Variants in C9orf153 observed in about 807,000 individuals in gnomAD.
C9orf153 encodes uncharacterized protein C9orf153.
A neutral mutation model predicts 9.0 loss-of-function variants in C9orf153; 10 were observed. The observed-to-expected ratio is 1.11, with a 90% CI of 0.69 to 1.89. C9orf153 has a LOEUF of 1.89. Among genes scored for constraint, C9orf153 ranks in the 40% most tolerant of loss-of-function variants. C9orf153 has a pLI of 0.00. For synonymous variants in C9orf153, 35 were observed against 37.3 expected (o/e 0.94, Z 0.23); for missense variants, 108 against 111.0 (o/e 0.97, Z 0.12).
At chr9:86,256,276 T>C (rs897262106) in intron 1 of C9orf153, among the ~76,000 whole-genome samples, 2 of 152,246 alleles carry the variant, frequency 1.3e-5, no homozygotes, top group African/African-American at 2.4e-5. Flanking sequence ...ATGATTCTGA[T>C]GTGTGGAATA....
intron 1 of C9orf153, among the ~76,000 whole-genome samples, chr9:86,246,003 A>G (rs1824856667): frequency 6.6e-6 from 1 of 152,180 alleles, no homozygotes; most frequent in African/African-American, 2.4e-5. Flanking sequence ...ATTAATTTAC[A>G]AAACTTCAGC....
chr9:86,225,263 A>G (rs1179548327), intron 3 of C9orf153, among the ~76,000 whole-genome samples: 1 of 152,044 alleles, frequency 6.6e-6, no homozygotes, highest in Non-Finnish European at 1.5e-5. Flanking sequence ...ATTACCCCTA[A>G]GGGATTACTG....
chr9:86,232,602 T>C (rs2131181679), intron 1 of C9orf153, among the ~76,000 whole-genome samples: 1 of 152,214 alleles, frequency 6.6e-6, no homozygotes, highest in Non-Finnish European at 1.5e-5. Context: ...CTCTTCTCCA[T>C]TTGCACTCAC....
At chr9:86,251,914 T>TACACACACACAC (rs34620205) in intron 1 of C9orf153, among the ~76,000 whole-genome samples, 2,505 of 140,196 alleles carry the variant, frequency 0.018, 50 homozygotes, top group African/African-American at 0.041. Flanking sequence ...TTAGGTAAAC[T>TACACACACACAC]ACACACACAC....
chr9:86,230,051 G>C (rs1824435763), intron 1 of C9orf153, among the ~76,000 whole-genome samples: 1 of 152,108 alleles, frequency 6.6e-6, no homozygotes, highest in African/African-American at 2.4e-5. Context: ...CCATGATCCA[G>C]TCACCTCCCA....
At chr9:86,249,972 T>C (rs1332449482) in intron 1 of C9orf153, among the ~76,000 whole-genome samples, 2 of 152,082 alleles carry the variant, frequency 1.3e-5, no homozygotes, top group Non-Finnish European at 2.9e-5. Context: ...ACCCTACCAC[T>C]CAATGGGGTA....
At chr9:86,225,919 A>AC (rs1472860686) in intron 3 of C9orf153, among the ~76,000 whole-genome samples, 1 of 152,228 alleles carries the variant, frequency 6.6e-6, no homozygotes. Flanking sequence ...AAGTTAGGTA[A>AC]CCAGCAGGTA....
intron 1 of C9orf153, among the ~76,000 whole-genome samples, chr9:86,253,726 T>C (rs1825044193): frequency 1.3e-5 from 2 of 152,168 alleles, no homozygotes; most frequent in African/African-American, 4.8e-5. Flanking sequence ...TCTCAAGTAA[T>C]TGGAATTATA....
At chr9:86,255,694 G>C (rs1488322912) in intron 1 of C9orf153, among the ~76,000 whole-genome samples, 2 of 152,138 alleles carry the variant, frequency 1.3e-5, no homozygotes, top group African/African-American at 4.8e-5. Flanking sequence ...GTAAGCTTCT[G>C]TAACCCACTG....
At chr9:86,227,640 T>C in intron 3 of C9orf153, 2 of 985,380 alleles carry the variant, frequency 2.0e-6, no homozygotes, top group Non-Finnish European at 2.4e-6. Flanking sequence ...ATTTTGGGGC[T>C]TGGAACCTTC....
At chr9:86,254,370 A>G (rs1055680528) in intron 1 of C9orf153, among the ~76,000 whole-genome samples, 4 of 152,226 alleles carry the variant, frequency 2.6e-5, no homozygotes, top group African/African-American at 9.6e-5. Flanking sequence ...ATTAGAAATT[A>G]AAACTCTGCT....
intron 1 of C9orf153, among the ~76,000 whole-genome samples, chr9:86,235,671 G>A (rs1460388753): frequency 1.3e-5 from 2 of 148,736 alleles, no homozygotes; most frequent in African/African-American, 2.5e-5. Flanking sequence ...GAACCCAGGA[G>A]GCGGAGGTTG....
chr9:86,234,849 T>A (rs1824544928), intron 1 of C9orf153, among the ~76,000 whole-genome samples: 3 of 152,060 alleles, frequency 2.0e-5, no homozygotes, highest in Admixed American at 2.0e-4. Flanking sequence ...CACTTAGAAA[T>A]CAGCAATTAA....
chr9:86,229,873 G>T (rs1253396182), intron 1 of C9orf153, among the ~76,000 whole-genome samples: 1 of 152,110 alleles, frequency 6.6e-6, no homozygotes, highest in African/African-American at 2.4e-5. Context: ...GGTTGGGGAG[G>T]CCTCAGGAAA....
rs75492775 is a variant in C9orf153 at position 86,223,412 on chromosome 9, G to A, written c.243-1679C>T. On this transcript the variant is annotated intron_variant, in intron 3 of 3. Transcript: ENST00000339137. Reference sequence around the variant, plus strand: ...GAACCTGGGAGGCGGAGGTTGCAGTGAGCCGAGATCGTGCTGCTGCACTCC... The same window carrying A: ...GAACCTGGGAGGCGGAGGTTGCAGTAAGCCGAGATCGTGCTGCTGCACTCC... Among the ~76,000 whole-genome samples, 29 of 152,252 alleles carry A rather than the reference G, an allele frequency of 1.9e-4. No individual in the cohort carries two copies. The East Asian group carries it at 5.0e-3, about 26-fold the overall frequency.
chr9:86,241,299 G>C (rs6559917), intron 1 of C9orf153, among the ~76,000 whole-genome samples: 49,933 of 151,980 alleles, frequency 0.33, 8,507 homozygotes, highest in East Asian at 0.42. Flanking sequence ...AGAGATGCCA[G>C]GAGAGAACTG....
intron 1 of C9orf153, among the ~76,000 whole-genome samples, chr9:86,241,327 T>C (rs1461332435): frequency 6.7e-6 from 1 of 149,144 alleles, no homozygotes. Context: ...ATGTTCCAGG[T>C]CCTGCCCGGA....
intron 1 of C9orf153, among the ~76,000 whole-genome samples, chr9:86,236,548 CAA>C (rs976982879): frequency 0.059 from 3,861 of 65,224 alleles, 164 homozygotes; most frequent in African/African-American, 0.18. Flanking sequence ...GACTCCATCT[CAA>C]AAAAAAAAAA....
chr9:86,254,957 G>C (rs1825081635), intron 1 of C9orf153, among the ~76,000 whole-genome samples: 1 of 151,870 alleles, frequency 6.6e-6, no homozygotes, highest in African/African-American at 2.4e-5. Flanking sequence ...CCCAGCTACT[G>C]AGGAGGCTTA....
Sources: gnomAD v4.1 joint callset for allele counts (sites outside exome capture counted in the v4.1 genomes callset) on GRCh38, gnomAD v4.1.1 for gene constraint, MANE v1.5 for transcripts, NCBI Gene and HGNC (gene_info 2026-07-23, HGNC 2026-07-21) for gene names.